Variants in CLASP2 observed in about 807,000 individuals in gnomAD.
CLASP2 encodes cytoplasmic linker associated protein 2.
CLASP2 carries 47 observed loss-of-function variants against 194.4 expected under a neutral mutation model. The ratio of observed to expected loss-of-function variants is 0.24; its 90% CI spans 0.19 to 0.31. The LOEUF (loss-of-function observed/expected upper bound fraction) is 0.31, where lower values mean the gene tolerates loss of function less well. CLASP2 is among the 10% of genes least tolerant of loss of function. CLASP2 has a pLI of 1.00. For synonymous variants in CLASP2, 619 were observed against 633.5 expected, an observed-to-expected ratio of 0.98 and a Z score of 0.34; for missense variants, 1,445 against 1,823.6, an observed-to-expected ratio of 0.79 and a Z score of 3.78.
intron 1 of CLASP2, among the ~76,000 whole-genome samples, chr3:33,701,307 C>T (rs2092354263): frequency 6.6e-6 from 1 of 152,114 alleles, no homozygotes; most frequent in Non-Finnish European, 1.5e-5. Context: ...TAATATAAAC[C>T]TACAGTAATC....
At chr3:33,668,150 C>T (rs992961547) in intron 6 of CLASP2, among the ~76,000 whole-genome samples, 2 of 152,116 alleles carry the variant, frequency 1.3e-5, no homozygotes, top group African/African-American at 2.4e-5. Flanking sequence ...ACCCAGAAGA[C>T]GGAGGTTGCA....
At position 33,718,099 on chromosome 3, in the gene CLASP2, A is replaced by T. The variant is rs1388676131; in HGVS notation, c.-97T>A. 7.7e-7 allele frequency: 1 copy of T among 1,300,950 alleles called. No individual in the cohort carries two copies. Among genetic ancestry groups the T allele is most frequent in the Non-Finnish European group, 1.0e-6 (1 of 996,454 alleles). 80.6% of individuals were successfully genotyped at this position (1,300,950 alleles called of 1,614,324 possible). ...GCGGGTCCCCGCGGGAGCGGGCGGG[A>T]CTCACTTAGCCCGCCAGGGGCGCGG... On this transcript the variant is annotated 5_prime_UTR_variant, in exon 1 of 39. Transcript: ENST00000682230.
At chr3:33,586,505 T>C (rs2067403968) in intron 21 of CLASP2, among the ~76,000 whole-genome samples, 1 of 152,196 alleles carries the variant, frequency 6.6e-6, no homozygotes, top group South Asian at 2.1e-4. Context: ...GTTAGTAAAA[T>C]CTTTTCAGAG....
At chr3:33,524,744 T>C (rs1350903821) in intron 34 of CLASP2, among the ~76,000 whole-genome samples, 1 of 152,158 alleles carries the variant, frequency 6.6e-6, no homozygotes, top group Non-Finnish European at 1.5e-5. Flanking sequence ...ACATTATATA[T>C]TAAAAAGATT....
At chr3:33,510,922 T>C (rs1575665565) in intron 36 of CLASP2, among the ~76,000 whole-genome samples, 158 bp from the exon 37 acceptor site, 1 of 152,018 alleles carries the variant, frequency 6.6e-6, no homozygotes, top group Admixed American at 6.6e-5. Context: ...AGATTACTGA[T>C]AAAAAGGATT....
chr3:33,542,713 C>A (rs2058571387), intron 32 of CLASP2, among the ~76,000 whole-genome samples: 1 of 150,276 alleles, frequency 6.7e-6, no homozygotes, highest in South Asian at 2.1e-4. Flanking sequence ...TTTAACACTC[C>A]CCTATTTGTT....
At chr3:33,586,221 G>A (rs964356534) in intron 21 of CLASP2, among the ~76,000 whole-genome samples, 40 of 151,606 alleles carry the variant, frequency 2.6e-4, no homozygotes, top group African/African-American at 9.2e-4. Flanking sequence ...TGCAACTTCC[G>A]CCTCCCGGGT....
At chr3:33,679,222 T>A (rs2089382546) in intron 6 of CLASP2, among the ~76,000 whole-genome samples, 1 of 152,126 alleles carries the variant, frequency 6.6e-6, no homozygotes, top group Non-Finnish European at 1.5e-5. Context: ...CCTACATCCT[T>A]CCCAAAAATT....
At chr3:33,507,806 C>T (rs2048686311) in intron 37 of CLASP2, among the ~76,000 whole-genome samples, 1 of 151,900 alleles carries the variant, frequency 6.6e-6, no homozygotes, top group Non-Finnish European at 1.5e-5. Context: ...TCTAGTTGTC[C>T]CACCTTCAGT....
At chr3:33,684,590 T>C (rs376849716) in intron 5 of CLASP2, 134 bp from the exon 6 acceptor site, 1 of 452,850 alleles carries the variant, frequency 2.2e-6, no homozygotes, top group Non-Finnish European at 3.9e-6. Flanking sequence ...ATATGGCTTG[T>C]CATCAGTAAA....
intron 20 of CLASP2, among the ~76,000 whole-genome samples, chr3:33,593,722 A>C (rs1239800370): frequency 6.6e-6 from 1 of 152,212 alleles, no homozygotes; most frequent in East Asian, 1.9e-4. Flanking sequence ...AAAATGACCA[A>C]ATTATTATTT....
chr3:33,708,645 T>A (rs1437484070), intron 1 of CLASP2, among the ~76,000 whole-genome samples: 1 of 151,664 alleles, frequency 6.6e-6, no homozygotes, highest in Non-Finnish European at 1.5e-5. Flanking sequence ...TCCTGGCTAT[T>A]GTGAATAATG....
At chr3:33,698,500 C>T (rs985344747) in intron 1 of CLASP2, among the ~76,000 whole-genome samples, 2 of 152,120 alleles carry the variant, frequency 1.3e-5, no homozygotes, top group African/African-American at 4.8e-5. Flanking sequence ...GAAGCAACAG[C>T]AGTCTACCAG....
At chr3:33,536,372 T>C (rs2057338929) in intron 33 of CLASP2, among the ~76,000 whole-genome samples, 1 of 152,148 alleles carries the variant, frequency 6.6e-6, no homozygotes, top group African/African-American at 2.4e-5. Context: ...TAGGGTTCAC[T>C]GAGAAGCCAC....
At chr3:33,621,664 T>C (rs1338348286) in intron 11 of CLASP2, among the ~76,000 whole-genome samples, 1 of 152,178 alleles carries the variant, frequency 6.6e-6, no homozygotes, top group African/African-American at 2.4e-5. Context: ...CAACACTGCT[T>C]AGGTCAGAAA....
chr3:33,560,699 A>G (rs2061673056), intron 28 of CLASP2, 109 bp downstream of exon 28: 2 of 863,006 alleles, frequency 2.3e-6, no homozygotes, highest in Non-Finnish European at 3.7e-6. Flanking sequence ...AACGGAATCC[A>G]TGCAGTCTAA....
At position 33,718,055 on chromosome 3, in the gene CLASP2, G is replaced by A. The variant is rs1489342546; in HGVS notation, c.-53C>T. On this transcript the variant is annotated 5_prime_UTR_variant, in exon 1 of 39. Transcript: ENST00000682230. ...TCTGTGAGCGGCCAACTTTCGCCGA[G>A]AGCCGCCCAGCCTCCAGTGCGGGTC... 7.0e-7 allele frequency: 1 copy of A among 1,437,410 alleles called. No individual in the cohort carries two copies. Among genetic ancestry groups the A allele is most frequent in the Non-Finnish European group, 9.1e-7 (1 of 1,102,508 alleles). The allele number at this position is 1,437,410 out of a possible 1,614,324, so 89.0% of individuals were successfully genotyped here.
intron 36 of CLASP2, 83 bp downstream of exon 36, chr3:33,515,938 ATT>A: frequency 7.4e-7 from 1 of 1,342,468 alleles, no homozygotes; most frequent in Non-Finnish European, 1.0e-6. Context: ...CAAGAAAATC[ATT>A]AATAAGGCTA....
At chr3:33,567,507 T>A (rs1233359045) in intron 26 of CLASP2, among the ~76,000 whole-genome samples, 3 of 152,070 alleles carry the variant, frequency 2.0e-5, no homozygotes, top group Non-Finnish European at 2.9e-5. Context: ...GTGCCAGAAA[T>A]ATATGGGATG....
Sources: gnomAD v4.1 joint callset for allele counts (sites outside exome capture counted in the v4.1 genomes callset) on GRCh38, gnomAD v4.1.1 for gene constraint, MANE v1.5 for transcripts, NCBI Gene and HGNC (gene_info 2026-07-23, HGNC 2026-07-21) for gene names.